The following ECT2L variants were observed in gnomAD, a reference collection of about 807,000 sequenced individuals.
ECT2L encodes epithelial cell-transforming sequence 2 oncogene-like.
ECT2L carries 126 observed loss-of-function variants against 122.8 expected under a neutral mutation model. That is an observed-to-expected ratio of 1.03 (90% CI 0.89 to 1.19). ECT2L has a LOEUF of 1.19. Among genes scored for constraint, ECT2L ranks in the 50% most tolerant of loss-of-function variants. The pLI is 0.00. For missense variants in ECT2L, 1,012 were observed against 1,064.1 expected, an observed-to-expected ratio of 0.95 and a Z score of 0.68; for synonymous variants, 385 against 381.8, an observed-to-expected ratio of 1.01 and a Z score of -0.10.
chr6:138,824,060 G>A (rs1447850003), intron 4 of ECT2L, among the ~76,000 whole-genome samples: 1 of 151,758 alleles, frequency 6.6e-6, no homozygotes, highest in Non-Finnish European at 1.5e-5. Flanking sequence ...CTGTAACGAA[G>A]AAGAGCTTTG....
chr6:138,837,642 A>G (rs1187607099), intron 4 of ECT2L, among the ~76,000 whole-genome samples: 1 of 8,482 alleles, frequency 1.2e-4, no homozygotes, highest in African/African-American at 3.5e-4. Flanking sequence ...CACTGGTCTC[A>G]AAAAAAAAAA....
At chr6:138,859,810 C>CTTT (rs36087999) in intron 10 of ECT2L, among the ~76,000 whole-genome samples, 5 of 145,874 alleles carry the variant, frequency 3.4e-5, no homozygotes, top group African/African-American at 1.3e-4. Flanking sequence ...AAGCACAGTT[C>CTTT]TTTTTTTTTT....
chr6:138,800,617 A>G (rs1775510255), intron 1 of ECT2L, among the ~76,000 whole-genome samples: 2 of 152,220 alleles, frequency 1.3e-5, no homozygotes, highest in South Asian at 4.1e-4. Flanking sequence ...CTCATTTAAC[A>G]TAATGATGGA....
chr6:138,865,201 T>C (rs774121104), intron 12 of ECT2L, 23 bp downstream of exon 12: 8 of 1,572,828 alleles, frequency 5.1e-6, no homozygotes, highest in African/African-American at 4.1e-5. Context: ...GCTACTTCTG[T>C]TGCAGGTTAA....
chr6:138,875,982 G>A (rs73557302), intron 13 of ECT2L, among the ~76,000 whole-genome samples: 10,308 of 152,154 alleles, frequency 0.068, 442 homozygotes, highest in East Asian at 0.16. Flanking sequence ...TTAGTGGGGC[G>A]TGGTAGTGGG....
intron 18 of ECT2L, 59 bp from the exon 19 acceptor site, chr6:138,886,796 TTC>T: frequency 4.3e-6 from 5 of 1,166,034 alleles, no homozygotes; most frequent in Non-Finnish European, 6.3e-6. Flanking sequence ...TTTAATCTAT[TTC>T]TTTTATGAAT....
At chr6:138,871,223 T>C (rs1778241108) in intron 13 of ECT2L, among the ~76,000 whole-genome samples, 1 of 152,164 alleles carries the variant, frequency 6.6e-6, no homozygotes, top group African/African-American at 2.4e-5. Context: ...TTTAGAACCA[T>C]TTTATGTCCA....
intron 11 of ECT2L, among the ~76,000 whole-genome samples, chr6:138,864,517 C>T (rs1188519710): frequency 2.6e-5 from 4 of 152,130 alleles, no homozygotes; most frequent in South Asian, 2.1e-4. Flanking sequence ...ATTTGTAGAG[C>T]GAGGTAGCAG....
chr6:138,860,131 A>G (rs1777771333), intron 10 of ECT2L, among the ~76,000 whole-genome samples: 2 of 152,290 alleles, frequency 1.3e-5, no homozygotes, highest in South Asian at 2.1e-4. Context: ...AGCCTGAAGC[A>G]CAGTTCTGAG....
chr6:138,799,539 G>A (rs1398210025), intron 1 of ECT2L, among the ~76,000 whole-genome samples: 1 of 152,004 alleles, frequency 6.6e-6, no homozygotes, highest in Non-Finnish European at 1.5e-5. Context: ...GCAGGCGTGA[G>A]CCACCGCGCC....
intron 1 of ECT2L, among the ~76,000 whole-genome samples, chr6:138,812,583 C>G (rs1044313301): frequency 6.6e-6 from 1 of 152,114 alleles, no homozygotes; most frequent in Non-Finnish European, 1.5e-5. Context: ...GCGGGCAGAT[C>G]ATTTGAGGTC....
chr6:138,841,362 C>G (rs1161907196), intron 5 of ECT2L, among the ~76,000 whole-genome samples: 7 of 152,176 alleles, frequency 4.6e-5, no homozygotes, highest in Non-Finnish European at 1.5e-5. Context: ...TTTTCTTCCT[C>G]CAGAGAGAAT....
intron 18 of ECT2L, among the ~76,000 whole-genome samples, chr6:138,886,063 A>T (rs1204203527): frequency 6.6e-6 from 1 of 152,206 alleles, no homozygotes; most frequent in Non-Finnish European, 1.5e-5. Context: ...AATATAATGA[A>T]ATTTTTATGA....
At position 138,903,766 on chromosome 6, in the gene ECT2L, A is replaced by C. The variant is rs7769274; in HGVS notation, c.*1139A>C. 6.6e-6 allele frequency: 1 copy of C among 152,064 alleles called. No homozygotes were observed. The highest frequency in any genetic ancestry group is 2.4e-5 in the African/African-American group (1 of 41,386). 9.4% of individuals were successfully genotyped at this position (152,064 alleles called of 1,614,324 possible). On this transcript the variant is annotated 3_prime_UTR_variant, in exon 22 of 22. Transcript: ENST00000541398. ...ATTTAACAACTAAAGCCATACTGAA[A>C]GCCACTTGGAAACTTCAGCTGATGT... is the stretch of plus-strand genomic sequence containing the variant.
intron 20 of ECT2L, among the ~76,000 whole-genome samples, chr6:138,889,625 T>C (rs928630531): frequency 1.3e-5 from 2 of 152,176 alleles, no homozygotes; most frequent in African/African-American, 4.8e-5. Flanking sequence ...CGGCCACTTT[T>C]CTACTTAGCT....
intron 16 of ECT2L, among the ~76,000 whole-genome samples, chr6:138,885,276 C>A (rs1188760857): frequency 1.3e-5 from 2 of 152,052 alleles, no homozygotes; most frequent in East Asian, 3.9e-4. Context: ...GATCCGCCTG[C>A]CTCCGCCTCC....
At chr6:138,845,380 C>T (rs1253689488) in intron 7 of ECT2L, among the ~76,000 whole-genome samples, 4 of 151,942 alleles carry the variant, frequency 2.6e-5, no homozygotes, top group African/African-American at 9.7e-5. Context: ...GCAGGTGGGA[C>T]TATAGGTGCG....
At chr6:138,882,248 C>T (rs961476766) in intron 15 of ECT2L, among the ~76,000 whole-genome samples, 29 of 152,296 alleles carry the variant, frequency 1.9e-4, no homozygotes, top group African/African-American at 6.7e-4. Flanking sequence ...TGGGCCCCAG[C>T]TCCTACAGTG....
At chr6:138,840,034 G>T (rs553332052) in intron 5 of ECT2L, among the ~76,000 whole-genome samples, 2 of 151,998 alleles carry the variant, frequency 1.3e-5, no homozygotes, top group African/African-American at 4.8e-5. Flanking sequence ...ATGCTAAGTC[G>T]ATTAACACAC....
Sources: allele counts gnomAD v4.1 joint callset (sites outside exome capture counted in the v4.1 genomes callset), GRCh38; gene constraint gnomAD v4.1.1; transcripts MANE v1.5; gene names NCBI Gene and HGNC (gene_info 2026-07-23, HGNC 2026-07-21).